PLK4: variants seen among roughly 807,000 people sequenced by gnomAD.
PLK4 encodes the protein polo like kinase 4.
A neutral mutation model predicts 103.0 loss-of-function variants in PLK4; 51 were observed. That is an observed-to-expected ratio of 0.50 (90% CI 0.40 to 0.63). PLK4 has a LOEUF of 0.63. Ranked by LOEUF, PLK4 falls within the 20% of genes least tolerant of loss-of-function variation. The probability of loss-of-function intolerance (pLI) is 0.00; values close to 1 mark genes in which losing one functional copy is unlikely to be tolerated. For missense variants in PLK4, 1,054 were observed against 1,151.0 expected, an observed-to-expected ratio of 0.92 and a Z score of 1.22; for synonymous variants, 389 against 376.8, an observed-to-expected ratio of 1.03 and a Z score of -0.38.
In PLK4 at chr4:127,891,659, G is replaced by A. The variant is rs2148821912; in HGVS notation, c.2016G>A (p.Arg672=). The A allele has an allele frequency of 2.0e-6, 3 of 1,492,308 alleles. No homozygotes were observed. Among genetic ancestry groups the A allele is most frequent in the African/African-American group, 1.4e-5 (1 of 71,958 alleles). 92.4% of individuals were successfully genotyped at this position (1,492,308 alleles called of 1,614,324 possible). Residue 672 remains arginine (R), a synonymous_variant, in exon 9 of 16, where the codon AGG becomes AGA. Transcript: ENST00000270861. ...CCTCACCTACTGACAACATCAGTAG[G>A]TACAGCTTTGACAATTTACCAGGTA... ...RPPSPTDNIS[R]YSFDNLPEKY...
chr4:127,882,673 G>A (rs766776167), intron 2 of PLK4, among the ~76,000 whole-genome samples: 1 of 152,090 alleles, frequency 6.6e-6, no homozygotes, highest in African/African-American at 2.4e-5. Context: ...CAGGAGAATC[G>A]CTTGAACCCG....
Position 127,887,488 on chromosome 4 carries a change from A to G in PLK4, c.1451A>G (p.Gln484Arg), listed in dbSNP as rs760091244. Reference protein sequence around the residue: ...ETVQQWFGNLQINAHLRKTTE... With the variant: ...ETVQQWFGNLRINAHLRKTTE... ...GTACAACAGTGGTTTGGGAATCTGCAAATAAATGGTGAGTTTTTAATGGAG... is the reference window on the plus strand; with the variant it reads ...GTACAACAGTGGTTTGGGAATCTGCGAATAAATGGTGAGTTTTTAATGGAG... Residue 484 changes from glutamine (Q) to arginine (R), a missense_variant, in exon 6 of 16, where the codon CAA (glutamine) becomes CGA (arginine). Around this residue, in one of 4 missense-constraint regions of PLK4, gnomAD observed 680 missense variants for 660.3 expected, o/e 1.03. Coordinates refer to ENST00000270861, the MANE Select transcript of PLK4 (RefSeq NM_014264.5). 6 of 1,583,250 alleles carry G rather than the reference A, an allele frequency of 3.8e-6. No homozygotes were observed. In the East Asian group the frequency reaches 1.1e-4, roughly 30 times the overall value.
chr4:127,890,218 G>A lies in PLK4; in HGVS notation c.1812G>A (p.Gln604=), dbSNP rs1395227239. 3.8e-6 allele frequency: 6 copies of A among 1,595,454 alleles called. No homozygotes were observed. Among genetic ancestry groups the A allele is most frequent in the Admixed American group, 3.6e-5 (2 of 55,884 alleles). The change falls in exon 7 of 16, where the codon CAG becomes CAA. Residue 604 remains glutamine, a synonymous_variant. Transcript: ENST00000270861. Reference sequence around the variant, plus strand: ...CTCACAGGTTAAAACCAATCAGACAGAAAACCAAAAAGGCTGTGGTATGTC... The same window carrying A: ...CTCACAGGTTAAAACCAATCAGACAAAAAACCAAAAAGGCTGTGGTATGTC... The part of the protein sequence containing the change: ...LVAHRLKPIR[Q]KTKKAVVSIL...
Position 127,893,496 on chromosome 4 carries a change from C to T in PLK4, c.2323-17C>T, listed in dbSNP as rs1297790725. ...CATAGGTGAAACAATGACAGAAGCA[C>T]TCTTCTTTTGAAATAGGGTCATCGT... On this transcript the variant is annotated splice_polypyrimidine_tract_variant and intron_variant, in intron 11 of 15. Coordinates refer to ENST00000270861, the MANE Select transcript of PLK4 (RefSeq NM_014264.5). 3.1e-6 allele frequency: 5 copies of T among 1,603,240 alleles called. No homozygotes were observed. Among genetic ancestry groups the T allele is most frequent in the Non-Finnish European group, 4.3e-6 (5 of 1,174,526 alleles).
rs772658000 is a variant in PLK4, at chr4:127,890,107, T to C, written c.1701T>C (p.Leu567=). The change falls in exon 7 of 16, where the codon CTT becomes CTC. Residue 567 remains leucine, a synonymous_variant. Coordinates refer to ENST00000270861, the MANE Select transcript of PLK4 (RefSeq NM_014264.5). The stretch of plus-strand genomic sequence containing the variant: ...AATGTGTTTTTGGCTCAGATCCTCT[T>C]TCTGAACAGAGCAAGACTAGGGGTA... The part of the protein sequence containing the change: ...QQECVFGSDP[L]SEQSKTRGME... 1.9e-6 allele frequency: 3 copies of C among 1,614,068 alleles called. No individual in the cohort carries two copies. Among genetic ancestry groups the C allele is most frequent in the Admixed American group, 1.7e-5 (1 of 60,004 alleles).
intron 10 of PLK4, 79 bp downstream of exon 10, chr4:127,892,593 C>T (rs1410920675): frequency 2.7e-6 from 3 of 1,091,348 alleles, no homozygotes; most frequent in East Asian, 4.8e-5. Context: ...TTTTAAAATT[C>T]AACACAGTCA....
chr4:127,887,641 C>A, intron 6 of PLK4, 145 bp downstream of exon 6: 1 of 604,268 alleles, frequency 1.7e-6, no homozygotes. Flanking sequence ...ACTTGTGAGG[C>A]CAGGACTGGT....
Position 127,891,075 on chromosome 4 carries a change from GTT to G in PLK4, c.1831-4_1831-3del, listed in dbSNP as rs75010725. 4.9e-3 allele frequency: 5,540 copies of G among 1,122,076 alleles called. No individual in the cohort carries two copies. The highest frequency in any genetic ancestry group is 8.6e-3 in the South Asian group (553 of 64,286). The allele number at this position is 1,122,076 out of a possible 1,614,324, so 69.5% of individuals were successfully genotyped here. A position where few individuals can be genotyped will look rare whatever the true frequency, so the allele number is the denominator to read the frequency against. ...ACAAAAGAATTATTACTGATTTTGG[GTT>G]TTTTTTTTTTTTAGGTGAGCATACT... is the stretch of plus-strand genomic sequence containing the variant. On this transcript the variant is annotated splice_polypyrimidine_tract_variant and intron_variant, in intron 7 of 15. Transcript: ENST00000270861.
intron 2 of PLK4, 127 bp downstream of exon 2, chr4:127,882,053 C>T: frequency 5.0e-6 from 3 of 604,158 alleles, no homozygotes; most frequent in East Asian, 2.8e-5. Context: ...TTTACATAGG[C>T]AGAAGACAAT....
chr4:127,886,244 A>G lies in PLK4; in HGVS notation c.874A>G (p.Thr292Ala). Residue 292 changes from threonine (T) to alanine (A), a missense_variant, in exon 5 of 16, where the codon ACT becomes GCT. Around this residue, in one of 4 missense-constraint regions of PLK4, gnomAD observed 680 missense variants for 660.3 expected, o/e 1.03. Coordinates refer to ENST00000270861, the MANE Select transcript of PLK4 (RefSeq NM_014264.5). ...TGATAGTGGGCATGCCACAATTTCT[A>G]CTGCAATTACAGCTTCTTCCAGTAC... ...SIDSGHATIS[T>A]AITASSSTSI... 6.2e-7 allele frequency: 1 copy of G among 1,614,106 alleles called. No individual in the cohort carries two copies. The highest frequency in any genetic ancestry group is 8.5e-7 in the Non-Finnish European group (1 of 1,179,950).
Position 127,881,184 on chromosome 4 carries a change from T to C in PLK4, c.30+20T>C, listed in dbSNP as rs1309466739. Reference sequence around the variant, plus strand: ...ATCGAGGTGAAAAGACTCGGCAGTCTGCAGCGGGGCGGGTGGGAGTAATTG... The same window carrying C: ...ATCGAGGTGAAAAGACTCGGCAGTCCGCAGCGGGGCGGGTGGGAGTAATTG... On this transcript the variant is annotated intron_variant, in intron 1 of 15. Transcript: ENST00000270861. 2.5e-6 allele frequency: 4 copies of C among 1,613,704 alleles called. No individual in the cohort carries two copies. The highest frequency in any genetic ancestry group is 2.7e-5 in the African/African-American group (2 of 74,910).
chr4:127,895,597 A>G (rs1361586125), intron 14 of PLK4, among the ~76,000 whole-genome samples: 1 of 148,496 alleles, frequency 6.7e-6, no homozygotes, highest in Non-Finnish European at 1.5e-5. Flanking sequence ...AATTTTTTCT[A>G]TTTTTAGTAG....
At chr4:127,889,124 TTC>T (rs1735255400) in intron 6 of PLK4, among the ~76,000 whole-genome samples, 1 of 152,106 alleles carries the variant, frequency 6.6e-6, no homozygotes, top group Non-Finnish European at 1.5e-5. Flanking sequence ...ACAAAATACT[TTC>T]TGTCATAAGG....
chr4:127,889,090 C>T (rs1199352784), intron 6 of PLK4, among the ~76,000 whole-genome samples: 1 of 151,872 alleles, frequency 6.6e-6, no homozygotes, highest in South Asian at 2.1e-4. Flanking sequence ...AGTGTTCCTG[C>T]AATTTTTCAG....
In PLK4 at chr4:127,895,595, C is replaced by G. The variant is rs142708549; in HGVS notation, c.2703+502C>G. Among the ~76,000 whole-genome samples the G allele has an allele frequency of 4.4e-3, 648 of 148,292 alleles. 7 individuals carry two copies. Among genetic ancestry groups the G allele is most frequent in the African/African-American group, 0.015 (620 of 40,264 alleles). ...CACTGCCAAGCCGGGCTAATTTTTT[C>G]TATTTTTAGTAGAGACGGGGTTTCA... is the stretch of plus-strand genomic sequence containing the variant. On this transcript the variant is annotated intron_variant, in intron 14 of 15. Coordinates refer to ENST00000270861, the MANE Select transcript of PLK4 (RefSeq NM_014264.5).
chr4:127,881,697 G>T (rs1425467221), intron 1 of PLK4, 134 bp from the exon 2 acceptor site: 39 of 644,810 alleles, frequency 6.0e-5, no homozygotes, highest in Non-Finnish European at 7.7e-5. Flanking sequence ...GACACCTGCT[G>T]CATCGAGGTG....
At chr4:127,890,314 C>T in intron 7 of PLK4, 78 bp downstream of exon 7, 4 of 1,158,630 alleles carry the variant, frequency 3.5e-6, no homozygotes, top group Non-Finnish European at 3.7e-6. Flanking sequence ...TTTTTTAGTC[C>T]TCTGTAATGT....
intron 5 of PLK4, 49 bp from the exon 6 acceptor site, chr4:127,887,347 C>A: frequency 1.0e-6 from 1 of 966,342 alleles, no homozygotes; most frequent in Non-Finnish European, 1.6e-6. Context: ...TAAAAAGTTA[C>A]CTGATAATTT....
chr4:127,886,067 T>G lies in PLK4; in HGVS notation c.697T>G (p.Phe233Val). The change falls in exon 5 of 16, where the codon TTT (phenylalanine) becomes GTT (valine). Residue 233 changes from phenylalanine (F) to valine (V), a missense_variant. Around this residue, in one of 4 missense-constraint regions of PLK4, gnomAD observed 680 missense variants for 660.3 expected, o/e 1.03. Coordinates refer to ENST00000270861, the MANE Select transcript of PLK4 (RefSeq NM_014264.5). ...VVLADYEMPS[F>V]LSIEAKDLIH... ...ATTGGCAGATTATGAAATGCCATCT[T>G]TTTTGTCAATAGAGGCCAAGGACCT... 6.2e-7 allele frequency: 1 copy of G among 1,614,152 alleles called. No individual in the cohort carries two copies. The highest frequency in any genetic ancestry group is 8.5e-7 in the Non-Finnish European group (1 of 1,179,974).
Sources: allele counts gnomAD v4.1 joint callset (sites outside exome capture counted in the v4.1 genomes callset), GRCh38; gene constraint gnomAD v4.1.1; regional missense constraint gnomAD v4.1.1; transcripts MANE v1.5; gene names NCBI Gene and HGNC (gene_info 2026-07-23, HGNC 2026-07-21).